SLC2A13: variants seen among roughly 807,000 people sequenced by gnomAD.
SLC2A13 encodes the protein solute carrier family 2 member 13.
SLC2A13 carries 32 observed loss-of-function variants against 64.4 expected under a neutral mutation model. That is an observed-to-expected ratio of 0.50 (90% CI 0.37 to 0.67). The LOEUF is 0.67. Among genes scored for constraint, SLC2A13 ranks in the 30% least tolerant of loss-of-function variants. The probability of loss-of-function intolerance (pLI) is 0.00; values close to 1 mark genes in which losing one functional copy is unlikely to be tolerated. For missense variants in SLC2A13, 743 were observed against 829.2 expected (o/e 0.90, Z 1.28); for synonymous variants, 338 against 327.1 (o/e 1.03, Z -0.36).
At chr12:39,825,176 G>T (rs183074437) in intron 7 of SLC2A13, among the ~76,000 whole-genome samples, 125 of 152,184 alleles carry the variant, frequency 8.2e-4, no homozygotes, top group African/African-American at 2.9e-3. Context: ...CTGAATCAGC[G>T]CATTAAGAAA....
At position 39,821,824 on chromosome 12, in the gene SLC2A13, G is replaced by A. The variant is rs137858342; in HGVS notation, c.1445+8279C>T. 1.1e-3 allele frequency among the ~76,000 whole-genome samples: 160 copies of A among 152,294 alleles called. 3 individuals carry two copies. Among genetic ancestry groups the A allele is most frequent in the African/African-American group, 3.8e-3 (156 of 41,568 alleles). Reference sequence around the variant, plus strand: ...CCAGGGAAATACAATCCTTCCCTTGGGAGTGGTAGCAGATACTTTGAACAA... The same window carrying A: ...CCAGGGAAATACAATCCTTCCCTTGAGAGTGGTAGCAGATACTTTGAACAA... On this transcript the variant is annotated intron_variant, in intron 7 of 9. Transcript: ENST00000280871.
At chr12:39,859,880 T>G (rs1943712616) in intron 6 of SLC2A13, among the ~76,000 whole-genome samples, 2 of 152,110 alleles carry the variant, frequency 1.3e-5, no homozygotes, top group Non-Finnish European at 2.9e-5. Context: ...CATAGTCCCT[T>G]TTGTCAATTT....
intron 4 of SLC2A13, among the ~76,000 whole-genome samples, chr12:39,934,913 C>T (rs143121466): frequency 5.1e-4 from 78 of 152,226 alleles, no homozygotes; most frequent in Non-Finnish European, 9.3e-4. Context: ...GACTATTTGT[C>T]TCTGCATGGA....
intron 2 of SLC2A13, among the ~76,000 whole-genome samples, chr12:40,032,605 G>C (rs1000003797): frequency 2.0e-5 from 3 of 152,160 alleles, no homozygotes; most frequent in Non-Finnish European, 4.4e-5. Flanking sequence ...GTGAATGGTG[G>C]ATCCTGCATT....
intron 4 of SLC2A13, among the ~76,000 whole-genome samples, chr12:39,919,545 T>A (rs979644148): frequency 3.3e-5 from 5 of 152,070 alleles, no homozygotes; most frequent in Non-Finnish European, 7.4e-5. Flanking sequence ...CATAGTAATT[T>A]AAAAAATCTG....
rs987617264 is a variant in SLC2A13 at position 40,105,720 on chromosome 12, G to T, written c.89C>A (p.Pro30Gln). 21 of 1,480,918 alleles carry T rather than the reference G, an allele frequency of 1.4e-5. No homozygotes were observed. In the African/African-American group the frequency reaches 2.6e-4, roughly 19 times the overall value. 91.7% of individuals were successfully genotyped at this position (1,480,918 alleles called of 1,614,324 possible). ...CTCCCCGGCCGCGCTCGCCGCGTCC[G>T]GCTCCGGCTGCTTCCTGCGCCGCTC... ...MGERRRKQPE[P>Q]DAASAAGECS... The change falls in exon 1 of 10, where the codon CCG (proline) becomes CAG (glutamine). Residue 30 changes from proline (P) to glutamine (Q), a missense_variant. Pro to Gln is a moderately conservative substitution (Grantham distance 76, BLOSUM62 -1). This residue lies in a region of SLC2A13 where 448 missense variants were observed against 447.4 expected (regional missense o/e 1.00). Transcript: ENST00000280871. The surrounding 1 kb of genome is among the most constrained non-coding windows in gnomAD (Gnocchi z 4.2).
At chr12:40,069,823 T>C (rs1003317495) in intron 1 of SLC2A13, among the ~76,000 whole-genome samples, 25 of 152,156 alleles carry the variant, frequency 1.6e-4, no homozygotes, top group Non-Finnish European at 4.4e-5. Flanking sequence ...ACTTCTTAAA[T>C]TCTGGGTTTA....
intron 4 of SLC2A13, among the ~76,000 whole-genome samples, chr12:39,874,615 CAAAAAA>C (rs11287868): frequency 3.0e-5 from 3 of 101,116 alleles, no homozygotes; most frequent in South Asian, 3.3e-4. Flanking sequence ...AACTCCATCT[CAAAAAA>C]AAAAAAAAAA....
chr12:40,051,377 C>A (rs1371473151), intron 1 of SLC2A13, among the ~76,000 whole-genome samples: 6 of 152,224 alleles, frequency 3.9e-5, no homozygotes, highest in Non-Finnish European at 7.4e-5. Context: ...GCGCCTAAGT[C>A]ATGGAAGCAG....
intron 1 of SLC2A13, among the ~76,000 whole-genome samples, chr12:40,086,861 A>T (rs7316539): frequency 0.02 from 3,099 of 152,286 alleles, 96 homozygotes; most frequent in African/African-American, 0.07. Flanking sequence ...AGACCTGTCA[A>T]GCTCATTTTC....
At chr12:39,779,464 A>G (rs1287566368) in intron 7 of SLC2A13, among the ~76,000 whole-genome samples, 1 of 152,218 alleles carries the variant, frequency 6.6e-6, no homozygotes, top group African/African-American at 2.4e-5. Context: ...TGAGAACACC[A>G]TACCTATTAT....
intron 4 of SLC2A13, among the ~76,000 whole-genome samples, chr12:39,925,227 G>T (rs1048731311): frequency 6.6e-6 from 1 of 151,690 alleles, no homozygotes; most frequent in African/African-American, 2.4e-5. Context: ...TAGAGACGGG[G>T]TTTCACCATA....
chr12:40,098,409 T>G (rs1399548984), intron 1 of SLC2A13, among the ~76,000 whole-genome samples: 1 of 152,232 alleles, frequency 6.6e-6, no homozygotes, highest in Non-Finnish European at 1.5e-5. Flanking sequence ...GTTCTAGAGA[T>G]GTGTTGTGCA....
At chr12:39,808,184 T>G (rs1397149332) in intron 7 of SLC2A13, among the ~76,000 whole-genome samples, 1 of 152,182 alleles carries the variant, frequency 6.6e-6, no homozygotes, top group Non-Finnish European at 1.5e-5. Flanking sequence ...TCTAGAATTT[T>G]ATATAAATAC....
chr12:40,053,849 C>T (rs1948297324), intron 1 of SLC2A13, among the ~76,000 whole-genome samples: 1 of 152,158 alleles, frequency 6.6e-6, no homozygotes, highest in South Asian at 2.1e-4. Context: ...ATAAAAGCAA[C>T]CCATGCAAAC....
At chr12:39,846,313 T>C (rs997212249) in intron 6 of SLC2A13, among the ~76,000 whole-genome samples, 2 of 152,136 alleles carry the variant, frequency 1.3e-5, no homozygotes, top group Non-Finnish European at 1.5e-5. Context: ...CCTTGGACAA[T>C]AGGAGCATCA....
intron 4 of SLC2A13, among the ~76,000 whole-genome samples, chr12:39,914,379 A>G (rs1342082041): frequency 6.6e-6 from 1 of 152,070 alleles, no homozygotes; most frequent in African/African-American, 2.4e-5. Flanking sequence ...GTAAAACATG[A>G]GACAAAGGTT....
intron 4 of SLC2A13, among the ~76,000 whole-genome samples, chr12:39,913,733 A>T (rs1207434565): frequency 6.7e-6 from 1 of 148,722 alleles, no homozygotes; most frequent in African/African-American, 2.6e-5. Flanking sequence ...ATATGTAACT[A>T]CTAACTGACA....
intron 3 of SLC2A13, among the ~76,000 whole-genome samples, chr12:40,005,835 C>T (rs1384961069): frequency 6.6e-6 from 1 of 152,144 alleles, no homozygotes; most frequent in African/African-American, 2.4e-5. Context: ...ATCAAGCCCC[C>T]GTGGATACCA....
Sources: allele counts gnomAD v4.1 joint callset (sites outside exome capture counted in the v4.1 genomes callset), GRCh38; gene constraint gnomAD v4.1.1; regional missense constraint gnomAD v4.1.1; non-coding constraint Gnocchi (gnomAD v3.1); transcripts MANE v1.5; gene names NCBI Gene and HGNC (gene_info 2026-07-23, HGNC 2026-07-21).